HS3ST3A1: variants seen among roughly 807,000 people sequenced by gnomAD.
HS3ST3A1 encodes the protein heparan sulfate glucosamine 3-O-sulfotransferase 3A1.
In HS3ST3A1, 19 loss-of-function variants were observed where a neutral mutation model predicts 25.7. That is an observed-to-expected ratio of 0.74 (90% CI 0.52 to 1.08). HS3ST3A1 has a LOEUF of 1.08. Ranked by LOEUF, HS3ST3A1 falls within the 50% of genes least tolerant of loss-of-function variation. The pLI, the probability that HS3ST3A1 is intolerant of heterozygous loss-of-function variation, is 0.00. For missense variants in HS3ST3A1, 459 were observed against 594.3 expected, an observed-to-expected ratio of 0.77 and a Z score of 2.37; for synonymous variants, 226 against 278.6, an observed-to-expected ratio of 0.81 and a Z score of 1.88.
At chr17:13,589,079 G>A (rs937827074) in intron 1 of HS3ST3A1, among the ~76,000 whole-genome samples, 1 of 152,204 alleles carries the variant, frequency 6.6e-6, no homozygotes, top group African/African-American at 2.4e-5. Context: ...GTCACAGGCT[G>A]TAAACTTGCA....
At chr17:13,500,989 A>G (rs1218211097) in intron 1 of HS3ST3A1, among the ~76,000 whole-genome samples, 1 of 152,230 alleles carries the variant, frequency 6.6e-6, no homozygotes, top group Non-Finnish European at 1.5e-5. Flanking sequence ...ACATTATGCC[A>G]AGTGAAATAA....
chr17:13,539,537 G>A (rs772202810), intron 1 of HS3ST3A1, among the ~76,000 whole-genome samples: 2 of 152,128 alleles, frequency 1.3e-5, no homozygotes, highest in Non-Finnish European at 2.9e-5. Flanking sequence ...ACATCACTGC[G>A]TGTTTGTTAT....
At chr17:13,538,067 T>C (rs1598418980) in intron 1 of HS3ST3A1, among the ~76,000 whole-genome samples, 1 of 152,212 alleles carries the variant, frequency 6.6e-6, no homozygotes. Context: ...GAAACATCTA[T>C]TTGGTCTGTC....
chr17:13,505,031 G>A (rs1905613967), intron 1 of HS3ST3A1, among the ~76,000 whole-genome samples: 1 of 152,236 alleles, frequency 6.6e-6, no homozygotes, highest in Non-Finnish European at 1.5e-5. Context: ...AAGAGATAAG[G>A]TAGGTAATTA....
chr17:13,526,434 AT>A (rs1189114604), intron 1 of HS3ST3A1, among the ~76,000 whole-genome samples: 1 of 141,612 alleles, frequency 7.1e-6, no homozygotes, highest in African/African-American at 2.6e-5. Context: ...TAAAGCAAAA[AT>A]TTTTATTGCC....
intron 1 of HS3ST3A1, among the ~76,000 whole-genome samples, chr17:13,508,274 A>G (rs1313372142): frequency 6.6e-6 from 1 of 152,246 alleles, no homozygotes; most frequent in African/African-American, 2.4e-5. Flanking sequence ...ACCAAAGCTT[A>G]CTTCAAGAAA....
Position 13,601,196 on chromosome 17 carries a change from G to T in HS3ST3A1, c.-67C>A. 8.1e-7 allele frequency: 1 copy of T among 1,239,168 alleles called. No homozygotes were observed. The highest frequency in any genetic ancestry group is 1.1e-6 in the Non-Finnish European group (1 of 935,228). 76.8% of individuals were successfully genotyped at this position (1,239,168 alleles called of 1,614,324 possible). A position where few individuals can be genotyped will look rare whatever the true frequency, so the allele number is the denominator to read the frequency against. On this transcript the variant is annotated 5_prime_UTR_variant, in exon 1 of 2. Transcript: ENST00000284110. ...GGCCTGGACCCCGACAGGTGCCAGA[G>T]CATCCCCCCGGCGGGCCAGCGCGCT...
rs555988720 is a variant in HS3ST3A1, at chr17:13,553,667, C to A, written c.599+46864G>T. The stretch of plus-strand genomic sequence containing the variant: ...TCCACATCATCCCTTGTTTTAAAAG[C>A]TTTTCTTCTGAGATGCCCCTAGCCA... On this transcript the variant is annotated intron_variant, in intron 1 of 1. Coordinates refer to ENST00000284110, the MANE Select transcript of HS3ST3A1 (RefSeq NM_006042.3). 4.3e-4 allele frequency among the ~76,000 whole-genome samples: 66 copies of A among 152,294 alleles called. 1 individual carries two copies. The South Asian group carries it at 0.011, about 25-fold the overall frequency.
rs141736345 is a variant in HS3ST3A1 at position 13,508,887 on chromosome 17, A to G, written c.600-12069T>C. ...TGTTGTACTTCCCCACCGTGGGGCC[A>G]TCTCTGGACTTCCGACATTCTTTGT... On this transcript the variant is annotated intron_variant, in intron 1 of 1. Coordinates refer to ENST00000284110, the MANE Select transcript of HS3ST3A1 (RefSeq NM_006042.3). Among the ~76,000 whole-genome samples the G allele has an allele frequency of 4.2e-3, 640 of 152,250 alleles. 6 individuals are homozygous for G. The highest frequency in any genetic ancestry group is 0.023 in the East Asian group (120 of 5,176).
intron 1 of HS3ST3A1, 87 bp from the exon 2 acceptor site, chr17:13,496,905 G>T (rs908459020): frequency 2.0e-6 from 3 of 1,519,080 alleles, no homozygotes; most frequent in Non-Finnish European, 2.7e-6. Context: ...GAGCCAGGCC[G>T]CAATTCCAGC....
chr17:13,552,906 T>A (rs1387409737), intron 1 of HS3ST3A1, among the ~76,000 whole-genome samples: 2 of 152,176 alleles, frequency 1.3e-5, no homozygotes, highest in African/African-American at 4.8e-5. Flanking sequence ...ACTTCTTCCC[T>A]CTCTGGTAGA....
rs1425367122 is a variant in HS3ST3A1, at chr17:13,600,731, C to T, written c.399G>A (p.Val133=). ...CCAGGGTCCCCGGCGGGGCCTCGGC[C>T]ACGGTGCTTCCGGCCCCGGAGCCGC... ...GPGGSGAGST[V]AEAPPGTLAL... is the part of the protein sequence containing the mutation. The change falls in exon 1 of 2, where the codon GTG becomes GTA. Residue 133 remains valine, a synonymous_variant. Coordinates refer to ENST00000284110, the MANE Select transcript of HS3ST3A1 (RefSeq NM_006042.3). 1 of 1,540,248 alleles carries T rather than the reference C, an allele frequency of 6.5e-7. No homozygotes were observed. The highest frequency in any genetic ancestry group is 2.5e-5 in the East Asian group (1 of 40,646).
At chr17:13,539,109 G>C (rs1176926253) in intron 1 of HS3ST3A1, among the ~76,000 whole-genome samples, 4 of 152,168 alleles carry the variant, frequency 2.6e-5, no homozygotes, top group Non-Finnish European at 5.9e-5. Context: ...TCTGGGAGCT[G>C]TCTGGGCCTC....
At chr17:13,543,356 T>A (rs1220492273) in intron 1 of HS3ST3A1, among the ~76,000 whole-genome samples, 1 of 152,078 alleles carries the variant, frequency 6.6e-6, no homozygotes, top group Non-Finnish European at 1.5e-5. Context: ...AGATGATGTG[T>A]GCTGGAGAAT....
chr17:13,566,566 G>C (rs1022746852), intron 1 of HS3ST3A1, among the ~76,000 whole-genome samples: 4 of 152,222 alleles, frequency 2.6e-5, no homozygotes, highest in African/African-American at 9.7e-5. Context: ...CAGGCTGAAA[G>C]CTAGGCCTCC....
chr17:13,590,387 G>A (rs1195263682), intron 1 of HS3ST3A1, among the ~76,000 whole-genome samples: 2 of 150,244 alleles, frequency 1.3e-5, no homozygotes, highest in African/African-American at 2.5e-5. Context: ...TTTTATCATT[G>A]TTGCAAATCT....
At chr17:13,544,988 A>G (rs1175206624) in intron 1 of HS3ST3A1, among the ~76,000 whole-genome samples, 2 of 152,204 alleles carry the variant, frequency 1.3e-5, no homozygotes, top group Admixed American at 6.5e-5. Context: ...TTGTCAGATA[A>G]CTGTTTATGA....
chr17:13,569,225 C>T (rs1329294929), intron 1 of HS3ST3A1, among the ~76,000 whole-genome samples: 1 of 152,166 alleles, frequency 6.6e-6, no homozygotes, highest in Non-Finnish European at 1.5e-5. Flanking sequence ...CCACTTACTG[C>T]CCTGGCAGGA....
chr17:13,538,888 C>T (rs994648096), intron 1 of HS3ST3A1, among the ~76,000 whole-genome samples: 3 of 152,146 alleles, frequency 2.0e-5, no homozygotes, highest in Non-Finnish European at 2.9e-5. Flanking sequence ...ACAAAGCATC[C>T]TTAAACTTAA....
Sources: gnomAD v4.1 joint callset for allele counts (sites outside exome capture counted in the v4.1 genomes callset) on GRCh38, gnomAD v4.1.1 for gene constraint, MANE v1.5 for transcripts, NCBI Gene and HGNC (gene_info 2026-07-23, HGNC 2026-07-21) for gene names.